Variants in HIBADH observed in about 807,000 individuals in gnomAD.
HIBADH encodes the protein 3-hydroxyisobutyrate dehydrogenase.
HIBADH carries 25 observed loss-of-function variants against 36.1 expected under a neutral mutation model. The observed-to-expected ratio is 0.69, with a 90% CI of 0.50 to 0.97. The LOEUF (loss-of-function observed/expected upper bound fraction) is 0.97, where lower values mean the gene tolerates loss of function less well. Ranked by LOEUF, HIBADH falls within the 50% of genes least tolerant of loss-of-function variation. The probability of loss-of-function intolerance (pLI) is 0.00; values close to 1 mark genes in which losing one functional copy is unlikely to be tolerated. For missense variants in HIBADH, 421 were observed against 418.0 expected, an observed-to-expected ratio of 1.01 and a Z score of -0.06; for synonymous variants, 160 against 149.5, an observed-to-expected ratio of 1.07 and a Z score of -0.51.
At chr7:27,571,688 A>G (rs1334776914) in intron 4 of HIBADH, among the ~76,000 whole-genome samples, 1 of 150,922 alleles carries the variant, frequency 6.6e-6, no homozygotes, top group Non-Finnish European at 1.5e-5. Flanking sequence ...GTGAGCTTAC[A>G]TTTATTGTAC....
intron 7 of HIBADH, 25 bp downstream of exon 7, chr7:27,531,167 T>A (rs764273166): frequency 6.2e-7 from 1 of 1,600,564 alleles, no homozygotes. Context: ...TTTCCTTCTC[T>A]CTTGGGTGTC....
chr7:27,609,524 T>C (rs76822238), intron 4 of HIBADH, among the ~76,000 whole-genome samples: 4,468 of 152,286 alleles, frequency 0.029, 202 homozygotes, highest in African/African-American at 0.1. Context: ...AGTAAAATTA[T>C]GGGAAAATGT....
intron 4 of HIBADH, among the ~76,000 whole-genome samples, chr7:27,586,844 C>CAGT (rs1784872322): frequency 6.6e-6 from 1 of 152,196 alleles, no homozygotes; most frequent in Non-Finnish European, 1.5e-5. Flanking sequence ...CCTGCAGGTA[C>CAGT]AGTACCCTGA....
chr7:27,578,320 GAT>G (rs1491204253), intron 4 of HIBADH, among the ~76,000 whole-genome samples: 2 of 78,706 alleles, frequency 2.5e-5, no homozygotes, highest in African/African-American at 7.1e-5. Flanking sequence ...TCAATGTTTA[GAT>G]TTTTTTTTTT....
chr7:27,650,265 C>T (rs1167066048), intron 1 of HIBADH, among the ~76,000 whole-genome samples: 2 of 134,420 alleles, frequency 1.5e-5, no homozygotes, highest in East Asian at 4.6e-4. Context: ...CAGAAACCAT[C>T]CCCTCCAATG....
At chr7:27,564,141 G>A (rs947111214) in intron 4 of HIBADH, among the ~76,000 whole-genome samples, 2 of 151,950 alleles carry the variant, frequency 1.3e-5, no homozygotes. Flanking sequence ...CTTGTGATCT[G>A]CCCGCCTCAG....
At chr7:27,618,600 G>C (rs926404789) in intron 4 of HIBADH, among the ~76,000 whole-genome samples, 1 of 152,170 alleles carries the variant, frequency 6.6e-6, no homozygotes, top group African/African-American at 2.4e-5. Flanking sequence ...CCCAAGAATT[G>C]GTCCACTGGT....
intron 4 of HIBADH, among the ~76,000 whole-genome samples, chr7:27,555,442 C>G (rs1784376858): frequency 6.6e-6 from 1 of 151,330 alleles, no homozygotes; most frequent in South Asian, 2.1e-4. Flanking sequence ...ACACTGAGTA[C>G]AAAGACAAGA....
chr7:27,612,510 G>A (rs111428089), intron 4 of HIBADH, among the ~76,000 whole-genome samples: 1 of 151,736 alleles, frequency 6.6e-6, no homozygotes, highest in Non-Finnish European at 1.5e-5. Context: ...TTTTAGTAGA[G>A]ACGGGGTTTC....
rs1783895877 is a variant in HIBADH at position 27,526,325 on chromosome 7, G to A, written c.900C>T (p.Ile300=). 6.2e-7 allele frequency: 1 copy of A among 1,613,320 alleles called. No individual in the cohort carries two copies. Among genetic ancestry groups the A allele is most frequent in the South Asian group, 1.1e-5 (1 of 90,860 alleles). ...TCTGATGGGCCAGACTGCCAAGAAG[G>A]ATTGGGCTCTTTGTGCTGGTAGCAG... The part of the protein sequence containing the change: ...QDSATSTKSP[I]LLGSLAHQIY... Residue 300 remains isoleucine, a synonymous_variant, in exon 8 of 8, where the codon ATC becomes ATT. Coordinates refer to ENST00000265395, the MANE Select transcript of HIBADH (RefSeq NM_152740.4).
At chr7:27,590,916 A>G (rs1784929847) in intron 4 of HIBADH, among the ~76,000 whole-genome samples, 1 of 152,176 alleles carries the variant, frequency 6.6e-6, no homozygotes, top group African/African-American at 2.4e-5. Context: ...CAATCCTTGA[A>G]TATCTCCCTC....
intron 4 of HIBADH, among the ~76,000 whole-genome samples, chr7:27,624,135 G>C (rs1481815115): frequency 6.6e-6 from 1 of 151,930 alleles, no homozygotes; most frequent in East Asian, 1.9e-4. Context: ...ATTGCCAACA[G>C]CAATCTAAAT....
chr7:27,637,581 A>G (rs1317187413), intron 2 of HIBADH, among the ~76,000 whole-genome samples: 1 of 152,148 alleles, frequency 6.6e-6, no homozygotes, highest in African/African-American at 2.4e-5. Context: ...TCAACATAGT[A>G]CTTAAGTCCT....
In HIBADH at chr7:27,638,956, T is replaced by C. The variant is rs1268829756; in HGVS notation, c.253-6511A>G. 2.6e-5 allele frequency among the ~76,000 whole-genome samples: 4 copies of C among 152,222 alleles called. No individual in the cohort carries two copies. The East Asian group carries it at 5.8e-4, about 22-fold the overall frequency. On this transcript the variant is annotated intron_variant, in intron 2 of 7. Transcript: ENST00000265395. ...CAAAAAATAAGAGATGCTGGCAAGG[T>C]TGCAGAGAAAAAGGAACATTTATAC...
intron 4 of HIBADH, among the ~76,000 whole-genome samples, chr7:27,544,264 T>C (rs1376174388): frequency 2.0e-5 from 3 of 152,218 alleles, no homozygotes; most frequent in Non-Finnish European, 2.9e-5. Context: ...TATTTTGCTA[T>C]TGTCAAATCA....
intron 4 of HIBADH, among the ~76,000 whole-genome samples, chr7:27,619,431 G>A (rs1367109189): frequency 2.6e-5 from 4 of 152,010 alleles, no homozygotes; most frequent in South Asian, 4.2e-4. Context: ...CATCTCCAAA[G>A]GAATACAACA....
At chr7:27,569,282 A>G (rs996454864) in intron 4 of HIBADH, among the ~76,000 whole-genome samples, 7 of 152,322 alleles carry the variant, frequency 4.6e-5, no homozygotes, top group South Asian at 4.1e-4. Context: ...ACTGCCTAAT[A>G]TAAAACATCT....
intron 4 of HIBADH, among the ~76,000 whole-genome samples, chr7:27,562,699 C>T (rs747673746): frequency 5.5e-4 from 84 of 152,280 alleles, no homozygotes; most frequent in Non-Finnish European, 1.1e-3. Flanking sequence ...ATCAAGTGAT[C>T]GTCCTGTCTT....
At chr7:27,585,934 A>G (rs2128288215) in intron 4 of HIBADH, among the ~76,000 whole-genome samples, 1 of 152,280 alleles carries the variant, frequency 6.6e-6, no homozygotes, top group African/African-American at 2.4e-5. Context: ...AGCAGGCAGA[A>G]AGCTGGCCTT....
Sources: gnomAD v4.1 joint callset for allele counts (sites outside exome capture counted in the v4.1 genomes callset) on GRCh38, gnomAD v4.1.1 for gene constraint, MANE v1.5 for transcripts, NCBI Gene and HGNC (gene_info 2026-07-23, HGNC 2026-07-21) for gene names.